The following TMPRSS15 variants were observed in gnomAD, a reference collection of about 807,000 sequenced individuals.
TMPRSS15 encodes the protein enteropeptidase.
Under a neutral mutation model 125.3 loss-of-function variants are expected in TMPRSS15, and 128 were observed. The ratio of observed to expected loss-of-function variants is 1.02; its 90% CI spans 0.89 to 1.18. TMPRSS15 has a LOEUF of 1.18. Ranked by LOEUF, TMPRSS15 falls within the 50% of genes most tolerant of loss-of-function variation. TMPRSS15 has a pLI of 0.00. For missense variants in TMPRSS15, 1,283 were observed against 1,212.7 expected, an observed-to-expected ratio of 1.06 and a Z score of -0.86; for synonymous variants, 446 against 423.2, an observed-to-expected ratio of 1.05 and a Z score of -0.66.
intron 16 of TMPRSS15, among the ~76,000 whole-genome samples, chr21:18,319,996 T>C (rs973608943): frequency 1.3e-5 from 2 of 152,318 alleles, no homozygotes; most frequent in Admixed American, 1.3e-4. Context: ...GAAAATCTGG[T>C]TACATATCTC....
intron 8 of TMPRSS15, among the ~76,000 whole-genome samples, chr21:18,359,454 T>C (rs747169926): frequency 1.4e-4 from 21 of 152,092 alleles, no homozygotes; most frequent in Non-Finnish European, 2.4e-4. Flanking sequence ...ATTTGGTTAA[T>C]AGGGACTAAC....
At chr21:18,408,703 A>G (rs1333345312), upstream of TMPRSS15, among the ~76,000 whole-genome samples, 2 of 152,250 alleles carry the variant, frequency 1.3e-5, no homozygotes, top group East Asian at 3.9e-4. Flanking sequence ...GGACTATTTA[A>G]TAAACATCTT....
intron 3 of TMPRSS15, among the ~76,000 whole-genome samples, chr21:18,392,946 C>G (rs1175923120): frequency 6.6e-6 from 1 of 152,130 alleles, no homozygotes; most frequent in African/African-American, 2.4e-5. Context: ...CACCTCCCAC[C>G]AGGTCCCTCC....
At chr21:18,351,455 A>G (rs2075567733) in intron 10 of TMPRSS15, among the ~76,000 whole-genome samples, 1 of 152,126 alleles carries the variant, frequency 6.6e-6, no homozygotes, top group African/African-American at 2.4e-5. Flanking sequence ...ACCTGGTGGG[A>G]GTGATGGGAT....
At chr21:18,435,393 T>C (rs1030810907) in intron 1 of TMPRSS15, among the ~76,000 whole-genome samples, 1 of 152,242 alleles carries the variant, frequency 6.6e-6, no homozygotes, top group Non-Finnish European at 1.5e-5. Flanking sequence ...GATAATCATG[T>C]GGCTTTTGTC....
Position 18,381,390 on chromosome 21 carries a change from G to A in TMPRSS15, c.497-2072C>T, listed in dbSNP as rs531549235. ...GGTTAAATTTTTTATGTTTGACAGTGTATTATACACAACTTCAAGATATCT... is the reference window on the plus strand; with the variant it reads ...GGTTAAATTTTTTATGTTTGACAGTATATTATACACAACTTCAAGATATCT... On this transcript the variant is annotated intron_variant, in intron 4 of 24. Transcript: ENST00000284885. Among the ~76,000 whole-genome samples the A allele has an allele frequency of 8.5e-5, 13 of 152,136 alleles. No individual in the cohort carries two copies. In the East Asian group the frequency reaches 2.5e-3, roughly 29 times the overall value.
chr21:18,364,725 C>T lies in TMPRSS15; in HGVS notation c.773+415G>A, dbSNP rs1005378045. Reference sequence around the variant, plus strand: ...GAGGCTGTTCCCTGCTCTTAATCTGCTGTAACTGAATCACACCTTTAGAGA... The same window carrying T: ...GAGGCTGTTCCCTGCTCTTAATCTGTTGTAACTGAATCACACCTTTAGAGA... On this transcript the variant is annotated intron_variant, in intron 7 of 24. Transcript: ENST00000284885. Among the ~76,000 whole-genome samples the T allele has an allele frequency of 9.8e-5, 15 of 152,286 alleles. 2 individuals carry two copies. Among genetic ancestry groups the T allele is most frequent in the Admixed American group, 9.8e-4 (15 of 15,292 alleles).
chr21:18,296,942 G>C (rs2074914553), intron 19 of TMPRSS15, among the ~76,000 whole-genome samples: 1 of 152,108 alleles, frequency 6.6e-6, no homozygotes, highest in Non-Finnish European at 1.5e-5. Context: ...ATGAAAAACT[G>C]AATAATTATC....
At chr21:18,431,608 C>CT (rs1391920058) in intron 1 of TMPRSS15, among the ~76,000 whole-genome samples, 1 of 151,992 alleles carries the variant, frequency 6.6e-6, no homozygotes. Context: ...CCAATAAGAA[C>CT]TTTTTTCCAA....
At chr21:18,363,869 T>C (rs2075700844) in intron 7 of TMPRSS15, among the ~76,000 whole-genome samples, 1 of 152,152 alleles carries the variant, frequency 6.6e-6, no homozygotes, top group South Asian at 2.1e-4. Context: ...GTCTTATTTT[T>C]GACACACCAA....
chr21:18,287,151 AG>A (rs2074774547), intron 21 of TMPRSS15, among the ~76,000 whole-genome samples: 1 of 152,186 alleles, frequency 6.6e-6, no homozygotes, highest in Non-Finnish European at 1.5e-5. Context: ...ACCTTATCAG[AG>A]GAAAGATTTT....
chr21:18,471,009 T>C (rs917501694), intron 1 of TMPRSS15, among the ~76,000 whole-genome samples: 1 of 151,914 alleles, frequency 6.6e-6, no homozygotes, highest in Admixed American at 6.6e-5. Context: ...ACTTCTTACA[T>C]CTCTATTACC....
intron 5 of TMPRSS15, among the ~76,000 whole-genome samples, chr21:18,372,823 C>T (rs942701523): frequency 2.0e-5 from 3 of 152,264 alleles, no homozygotes; most frequent in South Asian, 2.1e-4. Flanking sequence ...GGAGGGTATC[C>T]GAAAAACTTG....
chr21:18,333,466 A>G (rs1484431233), intron 13 of TMPRSS15, among the ~76,000 whole-genome samples: 1 of 152,182 alleles, frequency 6.6e-6, no homozygotes, highest in Admixed American at 6.5e-5. Context: ...TTAAAATAAA[A>G]CAAATTCAAT....
At chr21:18,365,337 A>G (rs1601396183) in intron 6 of TMPRSS15, 89 bp from the exon 7 acceptor site, 2 of 1,008,758 alleles carry the variant, frequency 2.0e-6, no homozygotes, top group African/African-American at 1.6e-5. Context: ...TCATGGCAAA[A>G]CCTGTACAAG....
Position 18,418,774 on chromosome 21 carries a change from A to G in TMPRSS15, c.11-20445T>C, listed in dbSNP as rs2824816. Among the ~76,000 whole-genome samples the G allele has an allele frequency of 1.2e-3, 182 of 152,208 alleles. 1 individual carries two copies. The highest frequency in any genetic ancestry group is 2.1e-3 in the Non-Finnish European group (146 of 68,022). On this transcript the variant is annotated intron_variant, in intron 1 of 7. Coordinates refer to the TMPRSS15 transcript ENST00000422787. ...ATCTCTGCTAGAAAACATTGTTAAA[A>G]TTGGAATCTCCAGAGAAAAGAAATG...
At chr21:18,379,195 G>T in intron 5 of TMPRSS15, 88 bp downstream of exon 5, 1 of 522,660 alleles carries the variant, frequency 1.9e-6, no homozygotes, top group Non-Finnish European at 3.1e-6. Context: ...TTATTGCTAA[G>T]GCACCAGAGA....
chr21:18,356,379 T>C (rs1305411243), intron 8 of TMPRSS15, among the ~76,000 whole-genome samples: 1 of 151,794 alleles, frequency 6.6e-6, no homozygotes, highest in Non-Finnish European at 1.5e-5. Context: ...TTCTAATATA[T>C]TCAACACGTC....
chr21:18,441,998 C>T (rs920270047), intron 1 of TMPRSS15, among the ~76,000 whole-genome samples: 2 of 152,198 alleles, frequency 1.3e-5, no homozygotes, highest in South Asian at 4.1e-4. Flanking sequence ...GCCCAGGACA[C>T]ATTATTTTAA....
Sources: allele counts gnomAD v4.1 joint callset (sites outside exome capture counted in the v4.1 genomes callset), GRCh38; gene constraint gnomAD v4.1.1; transcripts MANE v1.5; gene names NCBI Gene and HGNC (gene_info 2026-07-23, HGNC 2026-07-21).